The following IL1RAPL2 variants were observed in gnomAD, a reference collection of about 807,000 sequenced individuals.
The protein encoded by IL1RAPL2 is X-linked interleukin-1 receptor accessory protein-like 2.
In IL1RAPL2, 3 loss-of-function variants were observed where a neutral mutation model predicts 44.1. The ratio of observed to expected loss-of-function variants is 0.07; its 90% CI spans 0.03 to 0.18. The LOEUF is 0.18. IL1RAPL2 is among the 10% of genes least tolerant of loss of function. IL1RAPL2 has a pLI of 1.00. For synonymous variants in IL1RAPL2, 181 were observed against 178.8 expected, an observed-to-expected ratio of 1.01 and a Z score of -0.10; for missense variants, 391 against 496.4, an observed-to-expected ratio of 0.79 and a Z score of 2.02.
chrX:104,655,799 T>A (rs1930244601), intron 1 of IL1RAPL2, among the ~76,000 whole-genome samples: 1 of 111,234 alleles, frequency 9.0e-6, no homozygotes, highest in Non-Finnish European at 1.9e-5. Flanking sequence ...ATCCATCAGG[T>A]CCTGGACTTT....
intron 2 of IL1RAPL2, among the ~76,000 whole-genome samples, chrX:105,108,079 C>T (rs997133082): frequency 5.4e-5 from 6 of 111,161 alleles, no homozygotes; most frequent in Admixed American, 9.6e-5. Context: ...ACTCTACCCT[C>T]CCTAAATTCA....
chrX:104,911,092 A>C (rs1322991642), intron 2 of IL1RAPL2, among the ~76,000 whole-genome samples: 1 of 112,012 alleles, frequency 8.9e-6, no homozygotes, highest in East Asian at 2.8e-4. Context: ...CTCAAGAAAA[A>C]TTAGAAAACC....
intron 6 of IL1RAPL2, among the ~76,000 whole-genome samples, chrX:105,600,648 TTTAG>T (rs1466994085): frequency 1.9e-5 from 2 of 103,931 alleles, no homozygotes; most frequent in Admixed American, 1.0e-4. Flanking sequence ...GAATTTATAA[TTTAG>T]TTAATTTGAT....
At chrX:104,908,865 G>A (rs745682619) in intron 2 of IL1RAPL2, among the ~76,000 whole-genome samples, 35 of 110,848 alleles carry the variant, frequency 3.2e-4, no homozygotes, top group Non-Finnish European at 5.5e-4. Context: ...TGCTAGATTG[G>A]GGAAGTTCTC....
intron 2 of IL1RAPL2, among the ~76,000 whole-genome samples, chrX:104,996,570 C>T (rs1462931403): frequency 8.9e-6 from 1 of 112,012 alleles, no homozygotes; most frequent in African/African-American, 3.2e-5. Flanking sequence ...CATGCCGAAG[C>T]CCATTGGCTC....
At chrX:104,604,156 A>G (rs1480977855) in intron 1 of IL1RAPL2, among the ~76,000 whole-genome samples, 1 of 112,163 alleles carries the variant, frequency 8.9e-6, no homozygotes, top group Non-Finnish European at 1.9e-5. Context: ...AATATTCAAC[A>G]TTCTTAAAGA....
intron 3 of IL1RAPL2, among the ~76,000 whole-genome samples, chrX:105,213,563 T>C (rs1280344650): frequency 9.0e-6 from 1 of 110,953 alleles, no homozygotes; most frequent in Non-Finnish European, 1.9e-5. Flanking sequence ...TTCAGGACAT[T>C]ATCCAGGAGA....
chrX:104,681,744 A>G (rs758242688), intron 2 of IL1RAPL2, among the ~76,000 whole-genome samples: 1 of 112,516 alleles, frequency 8.9e-6, no homozygotes, highest in East Asian at 2.8e-4. Flanking sequence ...CTAAGTTTCC[A>G]CCCTTGGGCT....
chrX:105,431,125 G>C (rs757705603), intron 5 of IL1RAPL2, among the ~76,000 whole-genome samples: 14 of 112,280 alleles, frequency 1.2e-4, no homozygotes, highest in Non-Finnish European at 2.3e-4. Flanking sequence ...GGCACATAAA[G>C]TTCATGTGTA....
intron 2 of IL1RAPL2, among the ~76,000 whole-genome samples, chrX:105,102,547 TACATA>T (rs1240573723): frequency 8.9e-6 from 1 of 112,219 alleles, no homozygotes; most frequent in Admixed American, 9.4e-5. Context: ...TACACACACT[TACATA>T]ACCAATGGGC....
intron 2 of IL1RAPL2, among the ~76,000 whole-genome samples, chrX:105,136,486 T>C (rs1205708382): frequency 2.7e-5 from 3 of 112,568 alleles, no homozygotes; most frequent in African/African-American, 9.7e-5. Context: ...ATGAAATAAA[T>C]GAGCACTTGG....
intron 5 of IL1RAPL2, among the ~76,000 whole-genome samples, chrX:105,270,351 A>G (rs2034437474): frequency 9.0e-6 from 1 of 111,630 alleles, no homozygotes; most frequent in Non-Finnish European, 1.9e-5. Context: ...AATTTCTAGG[A>G]ACTGCCATGA....
intron 2 of IL1RAPL2, among the ~76,000 whole-genome samples, chrX:104,844,107 T>A: frequency 9.0e-6 from 1 of 110,958 alleles, no homozygotes; most frequent in Middle Eastern, 4.6e-3. Flanking sequence ...GTTTTTTTTT[T>A]AATGATTAAG....
At chrX:105,007,964 C>T (rs1196710375) in intron 2 of IL1RAPL2, among the ~76,000 whole-genome samples, 9 of 114,707 alleles carry the variant, frequency 7.8e-5, no homozygotes, top group Non-Finnish European at 1.5e-4. Context: ...TATACATTGA[C>T]GTGGAATTGG....
intron 2 of IL1RAPL2, among the ~76,000 whole-genome samples, chrX:104,909,583 G>A (rs1924159044): frequency 9.0e-6 from 1 of 111,661 alleles, no homozygotes; most frequent in Non-Finnish European, 1.9e-5. Flanking sequence ...TCAGCTGCAG[G>A]TCTGTTGGAG....
intron 1 of IL1RAPL2, among the ~76,000 whole-genome samples, chrX:104,655,737 C>A (rs1930243085): frequency 9.0e-6 from 1 of 111,339 alleles, no homozygotes; most frequent in South Asian, 3.8e-4. Context: ...GAACAGTTTC[C>A]AAAGGAATGG....
rs182066725 is a variant in IL1RAPL2 at position 105,235,913 on chromosome X, T to A, written c.543+1909T>A. ...AGTTACACAGTGAACAAAGCCTGATTTTCTATTCAAGGCAGTGTGACTCCA... is the reference window on the plus strand; with the variant it reads ...AGTTACACAGTGAACAAAGCCTGATATTCTATTCAAGGCAGTGTGACTCCA... On this transcript the variant is annotated intron_variant, in intron 4 of 10. Coordinates refer to ENST00000372582, the MANE Select transcript of IL1RAPL2 (RefSeq NM_017416.2). 2.2e-4 allele frequency among the ~76,000 whole-genome samples: 25 copies of A among 112,062 alleles called. 1 individual carries two copies. Among genetic ancestry groups the A allele is most frequent in the Admixed American group, 5.7e-4 (6 of 10,573 alleles).
chrX:105,325,758 A>C (rs2147690839), intron 5 of IL1RAPL2, among the ~76,000 whole-genome samples: 1 of 109,134 alleles, frequency 9.2e-6, no homozygotes, highest in South Asian at 3.9e-4. Flanking sequence ...CTTTTTAATT[A>C]TAACCATTCT....
intron 5 of IL1RAPL2, among the ~76,000 whole-genome samples, chrX:105,465,966 A>G (rs1432654102): frequency 1.8e-5 from 2 of 111,636 alleles, no homozygotes; most frequent in Non-Finnish European, 3.8e-5. Flanking sequence ...CTTGGCGGGC[A>G]TACATTATCC....
Sources: gnomAD v4.1 joint callset for allele counts (sites outside exome capture counted in the v4.1 genomes callset) on GRCh38, gnomAD v4.1.1 for gene constraint, MANE v1.5 for transcripts, NCBI Gene and HGNC (gene_info 2026-07-23, HGNC 2026-07-21) for gene names.